The following IFT74 variants were observed in gnomAD, a reference collection of about 807,000 sequenced individuals.
The protein encoded by IFT74 is intraflagellar transport protein 74 homolog.
In IFT74, 92 loss-of-function variants were observed where a neutral mutation model predicts 96.7. The observed-to-expected ratio is 0.95, with a 90% CI of 0.80 to 1.13. The LOEUF (loss-of-function observed/expected upper bound fraction) is 1.13. Ranked by LOEUF, IFT74 falls within the 50% of genes most tolerant of loss-of-function variation. The pLI is 0.00. For missense variants in IFT74, 811 were observed against 698.2 expected (o/e 1.16, Z -1.82); for synonymous variants, 223 against 213.2 (o/e 1.05, Z -0.40).
chr9:27,043,962 C>T (rs535013142), intron 13 of IFT74, among the ~76,000 whole-genome samples: 18 of 152,254 alleles, frequency 1.2e-4, no homozygotes, highest in Admixed American at 5.2e-4. Flanking sequence ...AAATTGCAAA[C>T]GGATTATTTC....
chr9:26,997,143 C>A (rs1004696972), intron 8 of IFT74, among the ~76,000 whole-genome samples: 2 of 150,606 alleles, frequency 1.3e-5, no homozygotes, highest in Non-Finnish European at 3.0e-5. Context: ...ACCTGGGAGG[C>A]GGAGGTTGTG....
At chr9:26,986,856 C>G (rs113724358) in intron 6 of IFT74, among the ~76,000 whole-genome samples, 176 of 152,174 alleles carry the variant, frequency 1.2e-3, no homozygotes, top group African/African-American at 4.0e-3. Context: ...CTCCTGGGCT[C>G]AAGTGATCCT....
chr9:27,003,756 A>G (rs1013796912), intron 8 of IFT74, among the ~76,000 whole-genome samples: 1 of 152,196 alleles, frequency 6.6e-6, no homozygotes, highest in African/African-American at 2.4e-5. Flanking sequence ...CCTATATTTT[A>G]TAAAATTTGG....
intron 6 of IFT74, 33 bp from the exon 7 acceptor site, chr9:26,988,636 A>G (rs760957802): frequency 2.0e-6 from 3 of 1,513,816 alleles, no homozygotes; most frequent in African/African-American, 1.4e-5. Context: ...GACTAACAAA[A>G]TGGTGTTTGT....
intron 4 of IFT74, 182 bp from the exon 5 acceptor site, chr9:26,984,075 C>T: frequency 2.3e-6 from 1 of 429,804 alleles, no homozygotes; most frequent in South Asian, 2.8e-5. Context: ...TGACCCACCG[C>T]ACCCAGCCAG....
At chr9:26,996,513 A>T (rs1828167506) in intron 8 of IFT74, 3 of 1,414,982 alleles carry the variant, frequency 2.1e-6, no homozygotes, top group Non-Finnish European at 2.8e-6. Flanking sequence ...GTAAATCAGA[A>T]AGAATAAGAT....
At chr9:26,973,657 ATG>A (rs1386557587) in intron 2 of IFT74, among the ~76,000 whole-genome samples, 2 of 152,304 alleles carry the variant, frequency 1.3e-5, no homozygotes, top group Admixed American at 6.5e-5. Flanking sequence ...CAAAAATTGA[ATG>A]TGAGTTAATA....
At chr9:26,991,377 T>C (rs1251453299) in intron 8 of IFT74, among the ~76,000 whole-genome samples, 4 of 152,090 alleles carry the variant, frequency 2.6e-5, no homozygotes, top group African/African-American at 4.8e-5. Flanking sequence ...CATGCCACTA[T>C]GCCCAGCTAA....
rs772920018 is a variant in IFT74 at position 27,012,708 on chromosome 9, G to GTTTTTTTT, written c.789+760_789+767dup. On this transcript the variant is annotated intron_variant, in intron 10 of 19. Transcript: ENST00000380062. ...GAACAAGAGGAAAGTAAAAATGTCT[G>GTTTTTTTT]TTTTTTTTTTTTTTTTTTTTTTTTT... Among the ~76,000 whole-genome samples, 71 of 53,874 alleles carry GTTTTTTTT rather than the reference G, an allele frequency of 1.3e-3. 13 individuals carry two copies. The East Asian group carries it at 0.017, about 13-fold the overall frequency. 35.3% of individuals were successfully genotyped at this position (53,874 alleles called of 152,430 possible).
At chr9:26,987,273 G>A (rs924891434) in intron 6 of IFT74, among the ~76,000 whole-genome samples, 3 of 151,894 alleles carry the variant, frequency 2.0e-5, no homozygotes, top group Admixed American at 2.0e-4. Context: ...TGTATTTTTA[G>A]TAGAGAAGGG....
chr9:27,037,559 T>A (rs529122591), intron 13 of IFT74, among the ~76,000 whole-genome samples: 8 of 152,302 alleles, frequency 5.3e-5, no homozygotes, highest in Non-Finnish European at 1.0e-4. Context: ...TCTTCAGTTG[T>A]GTTGAAAGAA....
chr9:26,987,376 C>T (rs1395715159), intron 6 of IFT74, among the ~76,000 whole-genome samples: 1 of 152,104 alleles, frequency 6.6e-6, no homozygotes, highest in African/African-American at 2.4e-5. Context: ...AGGCATGAGC[C>T]ACCGCGCCCG....
chr9:27,032,033 T>G (rs990682537), intron 13 of IFT74, among the ~76,000 whole-genome samples: 1 of 152,126 alleles, frequency 6.6e-6, no homozygotes, highest in Non-Finnish European at 1.5e-5. Flanking sequence ...ACTAGTGTAT[T>G]CCCTTACATT....
intron 10 of IFT74, among the ~76,000 whole-genome samples, chr9:27,014,922 T>TA (rs1297310376): frequency 5.3e-5 from 8 of 152,256 alleles, no homozygotes; most frequent in African/African-American, 1.9e-4. Context: ...TTCTTTTATT[T>TA]ATTTGTTTAG....
intron 10 of IFT74, among the ~76,000 whole-genome samples, chr9:27,015,208 G>A (rs963833426): frequency 6.6e-6 from 1 of 152,156 alleles, no homozygotes; most frequent in Non-Finnish European, 1.5e-5. Context: ...TGTCTTTTTA[G>A]CATGGCTTTT....
chr9:26,954,463 A>C (rs778883798), upstream of IFT74, among the ~76,000 whole-genome samples: 4 of 152,124 alleles, frequency 2.6e-5, no homozygotes, highest in African/African-American at 9.7e-5. Context: ...GGAGCTGCCT[A>C]ATTCATGAAT....
chr9:26,970,275 G>A (rs902186511), intron 2 of IFT74, among the ~76,000 whole-genome samples: 7 of 152,124 alleles, frequency 4.6e-5, no homozygotes, highest in Admixed American at 2.6e-4. Context: ...CAATGGAGAA[G>A]TATCAGAGTT....
rs371627079 is a variant in IFT74 at position 27,007,232 on chromosome 9, G to T, written c.588-1788G>T. On this transcript the variant is annotated intron_variant, in intron 8 of 19. Coordinates refer to ENST00000380062, the MANE Select transcript of IFT74 (RefSeq NM_025103.4). Reference sequence around the variant, plus strand: ...AAGCATCAAAAAGACCTTACACCTGGACATCATATGGCCTTTAGAAAGTCA... The same window carrying T: ...AAGCATCAAAAAGACCTTACACCTGTACATCATATGGCCTTTAGAAAGTCA... Among the ~76,000 whole-genome samples the T allele has an allele frequency of 2.7e-4, 41 of 152,180 alleles. No individual in the cohort carries two copies. In the South Asian group the frequency reaches 2.9e-3, roughly 11 times the overall value.
intron 8 of IFT74, among the ~76,000 whole-genome samples, chr9:27,008,704 C>T (rs986797267): frequency 2.6e-5 from 4 of 152,038 alleles, no homozygotes; most frequent in African/African-American, 9.7e-5. Flanking sequence ...AGTATAAATG[C>T]ATCCTCATAT....
Sources: gnomAD v4.1 joint callset for allele counts (sites outside exome capture counted in the v4.1 genomes callset) on GRCh38, gnomAD v4.1.1 for gene constraint, MANE v1.5 for transcripts, NCBI Gene and HGNC (gene_info 2026-07-23, HGNC 2026-07-21) for gene names.